The following EPHB2 variants were observed in gnomAD, a reference collection of about 807,000 sequenced individuals.
The protein encoded by EPHB2 is ephrin type-B receptor 2.
Under a neutral mutation model 96.4 loss-of-function variants are expected in EPHB2, and 18 were observed. The observed-to-expected ratio is 0.19, with a 90% CI of 0.13 to 0.28. The LOEUF (loss-of-function observed/expected upper bound fraction) is 0.28. EPHB2 is among the 10% of genes least tolerant of loss of function. The pLI is 1.00. For missense variants in EPHB2, 989 were observed against 1,355.4 expected (o/e 0.73, Z 4.25); for synonymous variants, 506 against 534.1 (o/e 0.95, Z 0.72).
At chr1:22,874,770 T>C (rs1434137612) in intron 5 of EPHB2, among the ~76,000 whole-genome samples, 1 of 152,220 alleles carries the variant, frequency 6.6e-6, no homozygotes, top group Non-Finnish European at 1.5e-5. Flanking sequence ...AGAGGGGCTC[T>C]TCTCAAGTTC....
At chr1:22,880,860 G>T (rs1271193907) in intron 5 of EPHB2, among the ~76,000 whole-genome samples, 2 of 152,222 alleles carry the variant, frequency 1.3e-5, no homozygotes, top group African/African-American at 2.4e-5. Context: ...CAGCAGGCCG[G>T]ATGCATTATG....
At chr1:22,745,004 T>A (rs1174894398) in intron 1 of EPHB2, among the ~76,000 whole-genome samples, 1 of 152,070 alleles carries the variant, frequency 6.6e-6, no homozygotes, top group Non-Finnish European at 1.5e-5. Context: ...CTGTCTCGAG[T>A]GTGGCAGAGG....
intron 3 of EPHB2, among the ~76,000 whole-genome samples, chr1:22,803,254 C>T (rs1644871051): frequency 6.6e-6 from 1 of 152,128 alleles, no homozygotes; most frequent in Non-Finnish European, 1.5e-5. Context: ...CCTAGTGAGG[C>T]TGCACAGCTG....
intron 1 of EPHB2, among the ~76,000 whole-genome samples, chr1:22,763,990 A>G (rs968878527): frequency 2.0e-5 from 3 of 152,194 alleles, no homozygotes; most frequent in Non-Finnish European, 2.9e-5. Context: ...GAGGACACTC[A>G]TGATTACATT....
intron 3 of EPHB2, among the ~76,000 whole-genome samples, chr1:22,786,280 T>C (rs1350197116): frequency 1.3e-5 from 2 of 152,158 alleles, no homozygotes; most frequent in Admixed American, 1.3e-4. Context: ...TTAATAGATG[T>C]TAACTAAATG....
chr1:22,795,716 G>A (rs111635614), intron 3 of EPHB2, among the ~76,000 whole-genome samples: 8 of 152,246 alleles, frequency 5.3e-5, no homozygotes, highest in South Asian at 2.1e-4. Flanking sequence ...GGAAAACTGA[G>A]GACACGAGGA....
At chr1:22,776,546 C>G (rs1249296429) in intron 1 of EPHB2, among the ~76,000 whole-genome samples, 1 of 152,154 alleles carries the variant, frequency 6.6e-6, no homozygotes, top group Non-Finnish European at 1.5e-5. Flanking sequence ...TCGAGGGAGC[C>G]CAGCAGCTCC....
At chr1:22,891,115 TC>T (rs1398096518) in intron 6 of EPHB2, 1 of 455,946 alleles carries the variant, frequency 2.2e-6, no homozygotes. Context: ...ACTGTTACTA[TC>T]CCCCTTTTAC....
intron 1 of EPHB2, among the ~76,000 whole-genome samples, chr1:22,754,558 G>A (rs1644113803): frequency 6.6e-6 from 1 of 151,426 alleles, no homozygotes; most frequent in Non-Finnish European, 1.5e-5. Context: ...GGGAGGAAAA[G>A]GTGGCGCGAG....
intron 3 of EPHB2, among the ~76,000 whole-genome samples, chr1:22,857,308 G>A (rs1461553416): frequency 6.6e-6 from 1 of 152,156 alleles, no homozygotes; most frequent in Non-Finnish European, 1.5e-5. Flanking sequence ...TGCATATGGA[G>A]CATGTCTTGG....
At chr1:22,818,545 A>G (rs1210220511) in intron 3 of EPHB2, among the ~76,000 whole-genome samples, 4 of 152,104 alleles carry the variant, frequency 2.6e-5, no homozygotes, top group African/African-American at 9.7e-5. Flanking sequence ...TCCTGATTAC[A>G]CACAGGATAA....
intron 1 of EPHB2, among the ~76,000 whole-genome samples, chr1:22,741,696 A>AAAAAAAAAAAAAAAAAAAAAAAAC (rs55743842): frequency 7.3e-6 from 1 of 137,300 alleles, no homozygotes; most frequent in African/African-American, 2.6e-5. Flanking sequence ...AAACAAAAAA[A>AAAAAAAAAAAAAAAAAAAAAAAAC]CAAAAAACCT....
In EPHB2 at chr1:22,881,659, A is replaced by G. The variant is rs528389738; in HGVS notation, c.1304-700A>G. ...GCCCAGGCTGGAGTGCAATGGCATG[A>G]TCTCGGCTCACAGAAACTTCTGCCT... On this transcript the variant is annotated intron_variant, in intron 5 of 15. Transcript: ENST00000374630. Among the ~76,000 whole-genome samples the G allele has an allele frequency of 6.6e-5, 10 of 152,270 alleles. No homozygotes were observed. In the South Asian group the frequency reaches 2.1e-3, roughly 32 times the overall value.
At chr1:22,798,623 G>A (rs1337727561) in intron 3 of EPHB2, among the ~76,000 whole-genome samples, 1 of 152,118 alleles carries the variant, frequency 6.6e-6, no homozygotes, top group African/African-American at 2.4e-5. Context: ...GTGTGTCTGG[G>A]TCTGTGCAGA....
intron 1 of EPHB2, among the ~76,000 whole-genome samples, chr1:22,770,153 G>A (rs114259584): frequency 0.014 from 2,086 of 152,148 alleles, 56 homozygotes; most frequent in African/African-American, 0.047. Context: ...ATGGGTACAC[G>A]GGCGGGCAGA....
At chr1:22,872,818 G>A (rs16827697) in intron 5 of EPHB2, among the ~76,000 whole-genome samples, 4,936 of 152,300 alleles carry the variant, frequency 0.032, 257 homozygotes, top group African/African-American at 0.11. Context: ...TGGCATGAAC[G>A]TGTACTCACC....
intron 3 of EPHB2, among the ~76,000 whole-genome samples, chr1:22,788,361 AT>A (rs1321093536): frequency 2.0e-5 from 3 of 152,176 alleles, no homozygotes; most frequent in Admixed American, 6.5e-5. Flanking sequence ...CAGCCCAGCC[AT>A]CCACTGAGTG....
In EPHB2 at chr1:22,920,224, A is replaced by C. The variant is rs1046705500; in HGVS notation, c.*6654A>C. On this transcript the variant is annotated 3_prime_UTR_variant, in exon 16 of 16. Coordinates refer to ENST00000374630, the MANE Select transcript of EPHB2 (RefSeq NM_017449.5). ...GCTACAGCTGAGTAAAGCCCCACAC[A>C]GGCCACAGTGCCCACTGGCTGGTGG... 1.3e-5 allele frequency: 2 copies of C among 152,258 alleles called. No individual in the cohort carries two copies. The highest frequency in any genetic ancestry group is 2.9e-5 in the Non-Finnish European group (2 of 68,088). 9.4% of individuals were successfully genotyped at this position (152,258 alleles called of 1,614,324 possible).
Position 22,846,284 on chromosome 1 carries a change from C to T in EPHB2, c.812-16753C>T, listed in dbSNP as rs1417389501. Reference sequence around the variant, plus strand: ...AATATAAAATAGTCGGGCATAGTGACGTGCGCCTGTAATCCCAGCTACTAG... The same window carrying T: ...AATATAAAATAGTCGGGCATAGTGATGTGCGCCTGTAATCCCAGCTACTAG... On this transcript the variant is annotated intron_variant, in intron 3 of 15. Coordinates refer to ENST00000374630, the MANE Select transcript of EPHB2 (RefSeq NM_017449.5). This position sits in a 1 kb window ranked among gnomAD's most constrained non-coding sequence, Gnocchi z 4.3. Among the ~76,000 whole-genome samples the T allele has an allele frequency of 2.0e-5, 3 of 152,100 alleles. No individual in the cohort carries two copies. Among genetic ancestry groups the T allele is most frequent in the East Asian group, 1.9e-4 (1 of 5,174 alleles).
Sources: allele counts gnomAD v4.1 joint callset (sites outside exome capture counted in the v4.1 genomes callset), GRCh38; gene constraint gnomAD v4.1.1; non-coding constraint Gnocchi (gnomAD v3.1); transcripts MANE v1.5; gene names NCBI Gene and HGNC (gene_info 2026-07-23, HGNC 2026-07-21).